Variants in RNF138 observed in about 807,000 individuals in gnomAD.
RNF138 encodes ring finger protein 138.
Under a neutral mutation model 31.0 loss-of-function variants are expected in RNF138, and 12 were observed. The ratio of observed to expected loss-of-function variants is 0.39; its 90% confidence interval spans 0.25 to 0.63. RNF138 has a LOEUF of 0.63. Among genes scored for constraint, RNF138 ranks in the 20% least tolerant of loss-of-function variants. RNF138 has a pLI of 0.52. For synonymous variants in RNF138, 105 were observed against 99.5 expected (o/e 1.06, Z -0.33); for missense variants, 192 against 300.1 (o/e 0.64, Z 2.66).
intron 4 of RNF138, among the ~76,000 whole-genome samples, chr18:32,119,573 G>A (rs1438851109): frequency 6.6e-6 from 1 of 152,100 alleles, no homozygotes; most frequent in East Asian, 1.9e-4. Context: ...ACAGGCATGT[G>A]CCACCACGCC....
In RNF138 at chr18:32,109,879, C is replaced by G. The variant is rs536019000; in HGVS notation, c.111-1875C>G. On this transcript the variant is annotated intron_variant, in intron 2 of 7. Transcript: ENST00000261593. ...CCAGCCTGGGCGACAGAGCGAGGCT[C>G]TGTCTCAAAAAAATAAAATAAATAA... is the stretch of plus-strand genomic sequence containing the variant. 1.3e-3 allele frequency among the ~76,000 whole-genome samples: 198 copies of G among 152,266 alleles called. 2 individuals carry two copies. Among genetic ancestry groups the G allele is most frequent in the Admixed American group, 0.011 (163 of 15,290 alleles).
Position 32,129,488 on chromosome 18 carries a change from TA to T in RNF138, c.*302del. On this transcript the variant is annotated 3_prime_UTR_variant, in exon 8 of 8. Transcript: ENST00000261593. ...ATATTATTTTTGAATTTTTCATTAT[TA>T]TGTTGCTTTTGAAATTTGATGCATT... 1 of 206,022 alleles carries T rather than the reference TA, an allele frequency of 4.9e-6. No individual in the cohort carries two copies. Among genetic ancestry groups the T allele is most frequent in the Non-Finnish European group, 9.8e-6 (1 of 102,140 alleles). The allele number at this position is 206,022 out of a possible 1,614,324, so 12.8% of individuals were successfully genotyped here. A position where few individuals can be genotyped will look rare whatever the true frequency, so the allele number is the denominator to read the frequency against.
rs1169568010 is a variant in RNF138, at chr18:32,130,670, A to G, written c.*1483A>G. 1 of 152,504 alleles carries G rather than the reference A, an allele frequency of 6.6e-6. No homozygotes were observed. The highest frequency in any genetic ancestry group is 2.1e-4 in the South Asian group (1 of 4,836). The allele number at this position is 152,504 out of a possible 1,614,324, so 9.4% of individuals were successfully genotyped here. On this transcript the variant is annotated 3_prime_UTR_variant, in exon 8 of 8. Coordinates refer to ENST00000261593, the MANE Select transcript of RNF138 (RefSeq NM_016271.5). ...TTAAAACCCTTGTTGACTTTTCTAC[A>G]CTGAACATTTTTTTTAACTTGATTT...
intron 2 of RNF138, among the ~76,000 whole-genome samples, chr18:32,108,487 A>G (rs1295335541): frequency 6.6e-6 from 1 of 152,146 alleles, no homozygotes; most frequent in African/African-American, 2.4e-5. Flanking sequence ...ATTGTTGCTT[A>G]TAGCTGTAAC....
intron 4 of RNF138, among the ~76,000 whole-genome samples, chr18:32,114,844 A>G (rs754197892): frequency 1.3e-5 from 2 of 152,060 alleles, no homozygotes; most frequent in Non-Finnish European, 2.9e-5. Flanking sequence ...ATCATACTAC[A>G]TTAGGCGTCT....
chr18:32,121,955 G>A (rs1185341468), intron 4 of RNF138, among the ~76,000 whole-genome samples: 2 of 152,002 alleles, frequency 1.3e-5, no homozygotes, highest in South Asian at 2.1e-4. Context: ...TGCAACCTCC[G>A]CCTTCCGGTT....
chr18:32,113,101 C>T (rs2040160031), intron 3 of RNF138, among the ~76,000 whole-genome samples: 1 of 152,120 alleles, frequency 6.6e-6, no homozygotes, highest in Non-Finnish European at 1.5e-5. Context: ...GAGACAGGGT[C>T]TCACTTTGTC....
At chr18:32,111,720 T>C (rs1456095109) in intron 2 of RNF138, 34 bp from the exon 3 acceptor site, 1 of 1,563,928 alleles carries the variant, frequency 6.4e-7, no homozygotes, top group Non-Finnish European at 8.7e-7. Context: ...GAGTAATTTT[T>C]TTTGTAATTA....
chr18:32,099,104 C>T (rs765904532), intron 2 of RNF138, among the ~76,000 whole-genome samples: 3 of 152,014 alleles, frequency 2.0e-5, no homozygotes, highest in East Asian at 1.9e-4. Flanking sequence ...AATGGAAATT[C>T]GTCTAGCATC....
Position 32,130,109 on chromosome 18 carries a change from CAT to C in RNF138, c.*925_*926del, listed in dbSNP as rs776945265. 2.0e-3 allele frequency: 301 copies of C among 152,454 alleles called. 2 individuals carry two copies. Among genetic ancestry groups the C allele is most frequent in the Non-Finnish European group, 2.9e-3 (194 of 67,876 alleles). 9.4% of individuals were successfully genotyped at this position (152,454 alleles called of 1,614,324 possible). A position where few individuals can be genotyped will look rare whatever the true frequency, so the allele number is the denominator to read the frequency against. ...ATATACTTTTGTGTGTATATATACA[CAT>C]ATGTGTGTATGCAGTTTGTCAGGTT... is the stretch of plus-strand genomic sequence containing the variant. On this transcript the variant is annotated 3_prime_UTR_variant, in exon 8 of 8. Coordinates refer to ENST00000261593, the MANE Select transcript of RNF138 (RefSeq NM_016271.5).
At chr18:32,095,826 G>GT (rs1436154394) in intron 2 of RNF138, among the ~76,000 whole-genome samples, 1 of 152,222 alleles carries the variant, frequency 6.6e-6, no homozygotes, top group African/African-American at 2.4e-5. Context: ...ACTAAGTACT[G>GT]TTTCTCTGGA....
At position 32,123,527 on chromosome 18, in the gene RNF138, T is replaced by A; in HGVS notation, c.402T>A (p.Ser134Arg). 1 of 1,586,214 alleles carries A rather than the reference T, an allele frequency of 6.3e-7. No homozygotes were observed. The highest frequency in any genetic ancestry group is 1.2e-5 in the South Asian group (1 of 86,258). Residue 134 changes from serine to arginine, a missense_variant, in exon 5 of 8, where the codon AGT becomes AGA. Ser to Arg is a moderately radical substitution (Grantham distance 110, BLOSUM62 -1). Coordinates refer to ENST00000261593, the MANE Select transcript of RNF138 (RefSeq NM_016271.5). ...SQDSVGNSNR[S>R]ETSTSDNTET... ...CCCTGTGCTTCTTAAGCAATAGGAG[T>A]GAAACATCCACATCTGATAACACAG... is the stretch of plus-strand genomic sequence containing the variant.
intron 2 of RNF138, among the ~76,000 whole-genome samples, chr18:32,104,105 C>A (rs2039989248): frequency 6.7e-6 from 1 of 148,650 alleles, no homozygotes; most frequent in Non-Finnish European, 1.5e-5. Context: ...CCTCTGCCTT[C>A]TGGGTTCAAG....
rs886095504 is a variant in RNF138 at position 32,130,870 on chromosome 18, A to T, written c.*1683A>T. 2 of 151,968 alleles carry T rather than the reference A, an allele frequency of 1.3e-5. No individual in the cohort carries two copies. The allele number at this position is 151,968 out of a possible 1,614,324, so 9.4% of individuals were successfully genotyped here. ...GTGTTTACTATGTGTGTGCTTGAGC[A>T]TTTTCTTTCAGTTACATGGGTGTAA... On this transcript the variant is annotated 3_prime_UTR_variant, in exon 8 of 8. Coordinates refer to ENST00000261593, the MANE Select transcript of RNF138 (RefSeq NM_016271.5).
chr18:32,114,753 C>CT (rs1363024198), intron 4 of RNF138, among the ~76,000 whole-genome samples: 1 of 152,200 alleles, frequency 6.6e-6, no homozygotes, highest in Non-Finnish European at 1.5e-5. Flanking sequence ...TAAGCAGTCT[C>CT]TAATATTTTA....
intron 2 of RNF138, among the ~76,000 whole-genome samples, chr18:32,107,812 G>A (rs1366912547): frequency 4.0e-5 from 6 of 150,536 alleles, no homozygotes; most frequent in African/African-American, 1.2e-4. Context: ...CCACTGTGCC[G>A]GCCTTATTTA....
intron 2 of RNF138, among the ~76,000 whole-genome samples, chr18:32,108,088 C>A (rs1472230984): frequency 6.6e-6 from 1 of 151,984 alleles, no homozygotes; most frequent in African/African-American, 2.4e-5. Flanking sequence ...CTCCTGACTT[C>A]AGGTGATCCA....
chr18:32,122,132 G>T (rs1393126487), intron 4 of RNF138, among the ~76,000 whole-genome samples: 2 of 152,254 alleles, frequency 1.3e-5, no homozygotes, highest in East Asian at 1.9e-4. Flanking sequence ...CTTGCAAAGT[G>T]CTGGGATTAC....
At position 32,123,580 on chromosome 18, in the gene RNF138, C is replaced by A; in HGVS notation, c.449+6C>A. On this transcript the variant is annotated splice_donor_region_variant and intron_variant, in intron 5 of 7. Transcript: ENST00000261593. ...ACTTACCAAGAGAATACAAGGTAAGCTTTTGAAAAATCCTGCCACTTTAGC... is the reference window on the plus strand; with the variant it reads ...ACTTACCAAGAGAATACAAGGTAAGATTTTGAAAAATCCTGCCACTTTAGC... 6.4e-7 allele frequency: 1 copy of A among 1,567,590 alleles called. No individual in the cohort carries two copies. The highest frequency in any genetic ancestry group is 8.7e-7 in the Non-Finnish European group (1 of 1,154,002).
Sources: gnomAD v4.1 joint callset for allele counts (sites outside exome capture counted in the v4.1 genomes callset) on GRCh38, gnomAD v4.1.1 for gene constraint, MANE v1.5 for transcripts, NCBI Gene and HGNC (gene_info 2026-07-23, HGNC 2026-07-21) for gene names.